Variants in LYZL4 observed in about 807,000 individuals in gnomAD.
LYZL4 encodes the protein lysozyme-like protein 4.
A neutral mutation model predicts 17.6 loss-of-function variants in LYZL4; 13 were observed. The observed-to-expected ratio is 0.74, with a 90% CI of 0.48 to 1.18. LYZL4 has a LOEUF of 1.18. LYZL4 is among the 50% of genes most tolerant of loss of function. The pLI, the probability that LYZL4 is intolerant of heterozygous loss-of-function variation, is 0.00. For missense variants in LYZL4, 174 were observed against 188.2 expected (o/e 0.92, Z 0.44); for synonymous variants, 64 against 67.7 (o/e 0.95, Z 0.27).
chr3:42,389,027 C>T, the LYZL4 span, among the ~76,000 whole-genome samples: 2 of 152,144 alleles, frequency 1.3e-5, no homozygotes, highest in Non-Finnish European at 2.9e-5. Flanking sequence ...GCAAAACAAA[C>T]GATATTCATT....
At chr3:42,396,010 C>G (rs1698545547), downstream of LYZL4, among the ~76,000 whole-genome samples, 1 of 151,784 alleles carries the variant, frequency 6.6e-6, no homozygotes, top group African/African-American at 2.4e-5. Flanking sequence ...TGCAGTGAGC[C>G]GAGATCGCGC....
the LYZL4 span, among the ~76,000 whole-genome samples, chr3:42,370,744 C>T: frequency 2.0e-5 from 3 of 152,204 alleles, no homozygotes; most frequent in African/African-American, 4.8e-5. Flanking sequence ...TCAGGCTTTA[C>T]TACATTCTTC....
chr3:42,380,282 A>G, the LYZL4 span, among the ~76,000 whole-genome samples: 22 of 152,350 alleles, frequency 1.4e-4, no homozygotes, highest in East Asian at 3.7e-3. Flanking sequence ...TGTTTTATAG[A>G]TAAGTAACTG....
At chr3:42,389,402 G>T in the LYZL4 span, among the ~76,000 whole-genome samples, 1 of 152,174 alleles carries the variant, frequency 6.6e-6, no homozygotes, top group Non-Finnish European at 1.5e-5. Context: ...CCTAGAAGCA[G>T]CAGCCACTTT....
chr3:42,401,192 G>A (rs572273985), intron 4 of LYZL4, among the ~76,000 whole-genome samples: 79 of 151,902 alleles, frequency 5.2e-4, no homozygotes, highest in Non-Finnish European at 9.9e-4. Context: ...AGAAAAGGGG[G>A]CATCATAATA....
the LYZL4 span, among the ~76,000 whole-genome samples, chr3:42,369,646 G>A: frequency 6.6e-6 from 1 of 152,216 alleles, no homozygotes; most frequent in Non-Finnish European, 1.5e-5. Flanking sequence ...GTTGGGGAGG[G>A]CTGATGGCTT....
intron 4 of LYZL4, 100 bp downstream of exon 4, chr3:42,403,946 G>T: frequency 1.3e-6 from 1 of 776,948 alleles, no homozygotes; most frequent in South Asian, 1.9e-5. Context: ...TTTTAGTTTT[G>T]GCACTGCACG....
At chr3:42,389,163 T>C in the LYZL4 span, among the ~76,000 whole-genome samples, 1 of 152,228 alleles carries the variant, frequency 6.6e-6, no homozygotes, top group African/African-American at 2.4e-5. Context: ...GACAGGGTTC[T>C]GCATACAGTC....
At chr3:42,402,176 T>C (rs1698667038) in intron 4 of LYZL4, among the ~76,000 whole-genome samples, 1 of 147,854 alleles carries the variant, frequency 6.8e-6, no homozygotes, top group South Asian at 2.1e-4. Flanking sequence ...CATGGTGACA[T>C]GTGCCTGTTG....
chr3:42,361,778 AG>A, the LYZL4 span, among the ~76,000 whole-genome samples: 2 of 152,178 alleles, frequency 1.3e-5, no homozygotes, highest in Non-Finnish European at 2.9e-5. Flanking sequence ...AGCAGGGTTT[AG>A]GTTCACAGCA....
intron 4 of LYZL4, among the ~76,000 whole-genome samples, chr3:42,402,528 C>T (rs1420100465): frequency 1.3e-5 from 2 of 151,946 alleles, no homozygotes; most frequent in Non-Finnish European, 2.9e-5. Flanking sequence ...CATAAATGGC[C>T]AATAAACATT....
chr3:42,363,558 T>C, the LYZL4 span, among the ~76,000 whole-genome samples: 1 of 152,220 alleles, frequency 6.6e-6, no homozygotes, highest in Admixed American at 6.5e-5. Context: ...CTTTGCTGTG[T>C]ATTTGAAATT....
chr3:42,406,957 C>T lies in LYZL4; in HGVS notation c.181G>A (p.Ala61Thr). The T allele has an allele frequency of 6.2e-7, 1 of 1,614,184 alleles. No homozygotes were observed. The highest frequency in any genetic ancestry group is 8.5e-7 in the Non-Finnish European group (1 of 1,180,040). The change falls in exon 3 of 5, where the codon GCC (alanine) becomes ACC (threonine). Residue 61 changes from alanine (A) to threonine (T), a missense_variant. Physicochemically the swap from Ala to Thr is moderately conservative, Grantham distance 58. Transcript: ENST00000287748. ...CCCTCACGTGTGTTCTCGTAGATGG[C>T]CATGGGGTTGAACTTGCTCTCGAAG... is the stretch of plus-strand genomic sequence containing the variant. ...AYFESKFNPM[A>T]IYENTREGYT...
the LYZL4 span, among the ~76,000 whole-genome samples, chr3:42,386,404 C>CTG: frequency 7.5e-6 from 1 of 132,536 alleles, no homozygotes; most frequent in Admixed American, 7.4e-5. Context: ...CGCCCCCCCC[C>CTG]CCCCCCCCGC....
At chr3:42,401,525 T>C (rs1181653999) in intron 4 of LYZL4, among the ~76,000 whole-genome samples, 1 of 152,150 alleles carries the variant, frequency 6.6e-6, no homozygotes, top group Admixed American at 6.5e-5. Context: ...CACATCATAA[T>C]AAAATTTATT....
chr3:42,402,315 C>T (rs888845317), intron 4 of LYZL4, among the ~76,000 whole-genome samples: 14 of 136,984 alleles, frequency 1.0e-4, no homozygotes, highest in South Asian at 4.5e-4. Context: ...CTTTTCTTTT[C>T]TTTCTTTTTT....
the LYZL4 span, among the ~76,000 whole-genome samples, chr3:42,363,461 C>T: frequency 6.6e-6 from 1 of 152,112 alleles, no homozygotes; most frequent in Non-Finnish European, 1.5e-5. Context: ...AATATATACA[C>T]ACAGAGATAA....
chr3:42,406,471 A>AG (rs1698754104), intron 3 of LYZL4, among the ~76,000 whole-genome samples: 3 of 114,844 alleles, frequency 2.6e-5, no homozygotes, highest in Non-Finnish European at 5.6e-5. Context: ...AAAAAAAAAA[A>AG]AAAAAAAAAG....
the LYZL4 span, among the ~76,000 whole-genome samples, chr3:42,374,669 C>T: frequency 6.6e-6 from 1 of 152,142 alleles, no homozygotes; most frequent in African/African-American, 2.4e-5. Flanking sequence ...CACCTCAGTC[C>T]CCACCTGTCC....
Sources: allele counts gnomAD v4.1 joint callset (sites outside exome capture counted in the v4.1 genomes callset), GRCh38; gene constraint gnomAD v4.1.1; transcripts MANE v1.5; gene names NCBI Gene and HGNC (gene_info 2026-07-23, HGNC 2026-07-21).